Variants in SBF2 observed in about 807,000 individuals in gnomAD.
SBF2 encodes the protein SET binding factor 2.
In SBF2, 112 loss-of-function variants were observed where a neutral mutation model predicts 225.2. The ratio of observed to expected loss-of-function variants is 0.50; its 90% CI spans 0.43 to 0.58. The LOEUF is 0.58. Among genes scored for constraint, SBF2 ranks in the 20% least tolerant of loss-of-function variants. SBF2 has a pLI of 0.00. For missense variants in SBF2, 1,996 were observed against 2,206.2 expected, an observed-to-expected ratio of 0.90 and a Z score of 1.91; for synonymous variants, 763 against 773.3, an observed-to-expected ratio of 0.99 and a Z score of 0.22.
chr11:9,932,811 C>T lies in SBF2; in HGVS notation c.1860+29146G>A, dbSNP rs537254204. Among the ~76,000 whole-genome samples, 10 of 151,822 alleles carry T rather than the reference C, an allele frequency of 6.6e-5. No individual in the cohort carries two copies. In the East Asian group the frequency reaches 1.7e-3, roughly 27 times the overall value. On this transcript the variant is annotated intron_variant, in intron 16 of 39. Coordinates refer to ENST00000256190, the MANE Select transcript of SBF2 (RefSeq NM_030962.4). ...ACCTTAAATTTAAATGGGCTAAATG[C>T]CCCAATTAAAAGATACAGACTGGCA...
chr11:10,125,284 C>T (rs1044402949), intron 2 of SBF2, among the ~76,000 whole-genome samples: 1 of 151,880 alleles, frequency 6.6e-6, no homozygotes, highest in African/African-American at 2.4e-5. Context: ...CTACGAGATT[C>T]GATTTTCTAA....
intron 25 of SBF2, 116 bp downstream of exon 25, chr11:9,842,509 T>A (rs917388552): frequency 4.9e-6 from 5 of 1,028,474 alleles, no homozygotes; most frequent in Non-Finnish European, 3.0e-6. Context: ...AGTGCTTCCA[T>A]CTTCTCATGA....
chr11:9,827,988 T>C (rs1855166403), intron 28 of SBF2: 10 of 410,450 alleles, frequency 2.4e-5, no homozygotes, highest in South Asian at 2.1e-4. Context: ...AGTAATACAT[T>C]TGACCATTCA....
rs539608504 is a variant in SBF2 at position 10,244,130 on chromosome 11, C to T, written c.55+49885G>A. On this transcript the variant is annotated intron_variant, in intron 1 of 39. Transcript: ENST00000256190. ...TGGGACGTAAACATAGGCCAATATA[C>T]ATAACTCAAGACAAGTGATTTTTTG... 2.6e-5 allele frequency among the ~76,000 whole-genome samples: 4 copies of T among 152,314 alleles called. No individual in the cohort carries two copies. The Middle Eastern group carries it at 0.014, about 518-fold the overall frequency.
chr11:9,974,533 A>G (rs1321138932), intron 13 of SBF2, among the ~76,000 whole-genome samples: 3 of 151,968 alleles, frequency 2.0e-5, no homozygotes, highest in East Asian at 1.9e-4. Flanking sequence ...CGAAGGCAAC[A>G]TACAGTGACC....
At chr11:10,175,319 C>G (rs1030288064) in intron 2 of SBF2, among the ~76,000 whole-genome samples, 6 of 151,426 alleles carry the variant, frequency 4.0e-5, no homozygotes, top group Non-Finnish European at 7.4e-5. Context: ...GGAGGAAGAT[C>G]TACCAAGCAA....
At chr11:10,148,918 T>G (rs1955022307) in intron 2 of SBF2, among the ~76,000 whole-genome samples, 1 of 152,156 alleles carries the variant, frequency 6.6e-6, no homozygotes, top group Non-Finnish European at 1.5e-5. Context: ...GGCTTCACCC[T>G]CTATGGGTTT....
chr11:9,850,256 C>T (rs528367572), intron 21 of SBF2, 38 bp from the exon 22 acceptor site: 3 of 1,582,672 alleles, frequency 1.9e-6, no homozygotes, highest in Non-Finnish European at 2.6e-6. Context: ...GATTGATTGA[C>T]TAATTGATTG....
At chr11:10,000,352 CTTTAT>C (rs1947906392) in intron 8 of SBF2, among the ~76,000 whole-genome samples, 1 of 152,148 alleles carries the variant, frequency 6.6e-6, no homozygotes, top group South Asian at 2.1e-4. Flanking sequence ...TTCTGATGTG[CTTTAT>C]TTTGTTACAG....
intron 14 of SBF2, among the ~76,000 whole-genome samples, chr11:9,965,701 A>G (rs1169312743): frequency 6.6e-6 from 1 of 152,212 alleles, no homozygotes; most frequent in Non-Finnish European, 1.5e-5. Flanking sequence ...TTTCATAATT[A>G]TGCTTTATTA....
In SBF2 at chr11:10,173,146, C is replaced by T. The variant is rs186689845; in HGVS notation, c.141+20756G>A. Among the ~76,000 whole-genome samples the T allele has an allele frequency of 2.1e-3, 320 of 152,194 alleles. 1 individual carries two copies. Among genetic ancestry groups the T allele is most frequent in the African/African-American group, 7.1e-3 (295 of 41,516 alleles). ...GTTTTCGAATTTTTAAAAACTTAGT[C>T]AGGAGAGGAGCCAAGATGGCCGAAT... On this transcript the variant is annotated intron_variant, in intron 2 of 39. Coordinates refer to ENST00000256190, the MANE Select transcript of SBF2 (RefSeq NM_030962.4).
chr11:10,196,507 T>A (rs1408651017), intron 1 of SBF2, among the ~76,000 whole-genome samples: 1 of 151,958 alleles, frequency 6.6e-6, no homozygotes, highest in Admixed American at 6.6e-5. Flanking sequence ...AGCCTCCAAG[T>A]AGCTGGGACT....
At chr11:10,301,776 A>G (rs572443607) in intron 1 of SBF2, among the ~76,000 whole-genome samples, 4 of 152,362 alleles carry the variant, frequency 2.6e-5, no homozygotes, top group African/African-American at 9.6e-5. Context: ...ACTAAGAATC[A>G]GGCTTGGATA....
intron 2 of SBF2, among the ~76,000 whole-genome samples, chr11:10,062,801 G>A (rs1327035439): frequency 1.3e-5 from 2 of 152,066 alleles, no homozygotes; most frequent in African/African-American, 4.8e-5. Flanking sequence ...AGAGCTAAAA[G>A]CAGAACTACC....
At chr11:9,796,417 A>C (rs1853130171) in intron 32 of SBF2, among the ~76,000 whole-genome samples, 1 of 152,214 alleles carries the variant, frequency 6.6e-6, no homozygotes, top group South Asian at 2.1e-4. Context: ...CTTGCTTTCC[A>C]GGCAACTGTG....
At chr11:9,949,581 C>T (rs1865742409) in intron 16 of SBF2, among the ~76,000 whole-genome samples, 1 of 152,072 alleles carries the variant, frequency 6.6e-6, no homozygotes, top group Non-Finnish European at 1.5e-5. Flanking sequence ...TAATGGGGTG[C>T]ATTACACTGA....
intron 17 of SBF2, among the ~76,000 whole-genome samples, chr11:9,876,084 C>T (rs561108784): frequency 1.6e-4 from 24 of 152,070 alleles, no homozygotes; most frequent in African/African-American, 5.8e-4. Flanking sequence ...AGGTATTAAA[C>T]GATCTGGTCA....
intron 18 of SBF2, 113 bp downstream of exon 18, chr11:9,858,113 C>G: frequency 8.2e-7 from 1 of 1,220,310 alleles, no homozygotes; most frequent in Non-Finnish European, 1.2e-6. Context: ...CTAAATAAAA[C>G]CCAAATACAC....
At chr11:9,830,697 G>A (rs544198957) in intron 27 of SBF2, among the ~76,000 whole-genome samples, 18 of 143,358 alleles carry the variant, frequency 1.3e-4, no homozygotes, top group Non-Finnish European at 1.6e-4. Context: ...CCAAGATTGC[G>A]CCATTGCACT....
Sources: gnomAD v4.1 joint callset for allele counts (sites outside exome capture counted in the v4.1 genomes callset) on GRCh38, gnomAD v4.1.1 for gene constraint, MANE v1.5 for transcripts, NCBI Gene and HGNC (gene_info 2026-07-23, HGNC 2026-07-21) for gene names.